Variants in LMBRD2 observed in about 807,000 individuals in gnomAD.
The protein encoded by LMBRD2 is G protein-coupled receptor-associated protein LMBRD2.
Under a neutral mutation model 94.4 loss-of-function variants are expected in LMBRD2, and 55 were observed. The observed-to-expected ratio is 0.58, with a 90% confidence interval of 0.47 to 0.73. The LOEUF is 0.73. LMBRD2 is among the 30% of genes least tolerant of loss of function. LMBRD2 has a pLI of 0.00. For missense variants in LMBRD2, 640 were observed against 831.9 expected (o/e 0.77, Z 2.84); for synonymous variants, 246 against 272.4 (o/e 0.90, Z 0.95).
Position 36,115,006 on chromosome 5 carries a change from C to A in LMBRD2, c.1542+9G>T, listed in dbSNP as rs772698978. On this transcript the variant is annotated intron_variant, in intron 12 of 17. Coordinates refer to ENST00000296603, the MANE Select transcript of LMBRD2 (RefSeq NM_001007527.2). ...AACCTAAGGAATTCTATTTTCTGAC[C>A]GTACTTACAGATGTATAAGCAGTTG... is the stretch of plus-strand genomic sequence containing the variant. The A allele has an allele frequency of 7.9e-6, 12 of 1,514,682 alleles. 1 individual carries two copies. The Admixed American group carries it at 1.0e-4, about 13-fold the overall frequency. The allele number at this position is 1,514,682 out of a possible 1,614,324, so 93.8% of individuals were successfully genotyped here.
At chr5:36,123,053 C>A in intron 7 of LMBRD2, 92 bp from the exon 8 acceptor site, 1 of 1,242,748 alleles carries the variant, frequency 8.0e-7, no homozygotes, top group South Asian at 1.9e-5. Flanking sequence ...TTGAGCAGTT[C>A]TAATTTTCTC....
chr5:36,145,815 T>C (rs12522542), intron 1 of LMBRD2, among the ~76,000 whole-genome samples: 45,892 of 152,158 alleles, frequency 0.3, 8,616 homozygotes, highest in Non-Finnish European at 0.42. Flanking sequence ...TGAAATATTA[T>C]TGTAGTATAA....
intron 6 of LMBRD2, among the ~76,000 whole-genome samples, chr5:36,128,076 C>A (rs189445140): frequency 6.6e-6 from 1 of 152,214 alleles, no homozygotes; most frequent in Non-Finnish European, 1.5e-5. Flanking sequence ...TCCAGTTGTC[C>A]GGGAGAAAGT....
rs1743587316 is a variant in LMBRD2, at chr5:36,110,826, T to C, written c.1744+329A>G. On this transcript the variant is annotated intron_variant, in intron 14 of 17. Transcript: ENST00000296603. ...TCAAACCGATGATTCTTTAAATTAATGAGTTTTATAGTTGTACAGAGCTTC... is the reference window on the plus strand; with the variant it reads ...TCAAACCGATGATTCTTTAAATTAACGAGTTTTATAGTTGTACAGAGCTTC... Among the ~76,000 whole-genome samples the C allele has an allele frequency of 2.0e-5, 3 of 152,202 alleles. No individual in the cohort carries two copies. The South Asian group carries it at 6.2e-4, about 31-fold the overall frequency.
At chr5:36,126,054 C>A (rs1253558929) in intron 6 of LMBRD2, among the ~76,000 whole-genome samples, 1 of 152,112 alleles carries the variant, frequency 6.6e-6, no homozygotes, top group Non-Finnish European at 1.5e-5. Flanking sequence ...AGAGCAAGAT[C>A]AAAGTGATCC....
chr5:36,115,387 G>A (rs1453250605), intron 11 of LMBRD2, among the ~76,000 whole-genome samples: 2 of 152,080 alleles, frequency 1.3e-5, no homozygotes, highest in Admixed American at 1.3e-4. Flanking sequence ...CACAAGTTGT[G>A]GAGTGCCTTT....
At chr5:36,139,517 G>A (rs1189757489) in intron 4 of LMBRD2, among the ~76,000 whole-genome samples, 1 of 152,214 alleles carries the variant, frequency 6.6e-6, no homozygotes, top group Non-Finnish European at 1.5e-5. Context: ...CAGGCCATCA[G>A]CTCTGTGGAC....
chr5:36,109,387 T>C (rs1242949508), intron 15 of LMBRD2, among the ~76,000 whole-genome samples: 2 of 152,126 alleles, frequency 1.3e-5, no homozygotes, highest in East Asian at 3.8e-4. Context: ...AAGATACACA[T>C]ATATGAAGAT....
At chr5:36,133,100 C>G (rs965143706) in intron 6 of LMBRD2, among the ~76,000 whole-genome samples, 4 of 151,934 alleles carry the variant, frequency 2.6e-5, no homozygotes, top group African/African-American at 9.7e-5. Context: ...GTCTGCACTC[C>G]CATGTTTATT....
At chr5:36,134,884 G>C (rs1579520984) in intron 6 of LMBRD2, among the ~76,000 whole-genome samples, 3 of 152,268 alleles carry the variant, frequency 2.0e-5, no homozygotes, top group East Asian at 3.9e-4. Context: ...ATTAGCTGAA[G>C]AGAGTGCTGA....
intron 2 of LMBRD2, 76 bp from the exon 3 acceptor site, chr5:36,142,675 AATCT>A (rs371963018): frequency 1.9e-5 from 16 of 822,858 alleles, no homozygotes; most frequent in African/African-American, 1.9e-4. Flanking sequence ...AGAGTTTATA[AATCT>A]ATCTATCTAA....
At chr5:36,134,069 T>C (rs571120103) in intron 6 of LMBRD2, among the ~76,000 whole-genome samples, 18 of 152,180 alleles carry the variant, frequency 1.2e-4, no homozygotes, top group South Asian at 1.0e-3. Flanking sequence ...AGTTTTCAAT[T>C]TTTTCAAAAA....
chr5:36,122,718 A>C (rs1743915640), intron 8 of LMBRD2, 130 bp downstream of exon 8: 2 of 1,219,796 alleles, frequency 1.6e-6, no homozygotes, highest in African/African-American at 3.2e-5. Flanking sequence ...AATATTTCAA[A>C]GAATGATAAG....
At chr5:36,107,661 C>T (rs1257968503) in intron 16 of LMBRD2, among the ~76,000 whole-genome samples, 8 of 152,192 alleles carry the variant, frequency 5.3e-5, no homozygotes, top group Admixed American at 5.2e-4. Context: ...CCTCAAGTGT[C>T]AGATGGTTTC....
At position 36,117,924 on chromosome 5, in the gene LMBRD2, A is replaced by T; in HGVS notation, c.1121-8T>A. The T allele has an allele frequency of 6.3e-7, 1 of 1,579,592 alleles. No individual in the cohort carries two copies. Among genetic ancestry groups the T allele is most frequent in the Non-Finnish European group, 8.6e-7 (1 of 1,167,032 alleles). ...GACATTCCCAGTACCATTCTAGAAGACAAAAGAAAAAAATGATTAGGAAAA... is the reference window on the plus strand; with the variant it reads ...GACATTCCCAGTACCATTCTAGAAGTCAAAAGAAAAAAATGATTAGGAAAA... On this transcript the variant is annotated splice_polypyrimidine_tract_variant and splice_region_variant and intron_variant, in intron 9 of 17. Transcript: ENST00000296603.
At position 36,109,942 on chromosome 5, in the gene LMBRD2, T is replaced by TA. The variant is rs2111846929; in HGVS notation, c.1791+2dup. ...AGATTACAGAAATTAATACTGTACT[T>TA]ACTCTTCTTCGATTTTCACCTTCTT... On this transcript the variant is annotated splice_region_variant and intron_variant, in intron 15 of 17. Coordinates refer to ENST00000296603, the MANE Select transcript of LMBRD2 (RefSeq NM_001007527.2). 1 of 1,597,246 alleles carries TA rather than the reference T, an allele frequency of 6.3e-7. No homozygotes were observed.
chr5:36,143,065 T>G, intron 2 of LMBRD2, 111 bp downstream of exon 2: 1 of 813,490 alleles, frequency 1.2e-6, no homozygotes, highest in South Asian at 1.9e-5. Context: ...CATATAATCT[T>G]TTAATTCAAA....
chr5:36,127,848 C>T (rs1463331378), intron 6 of LMBRD2, among the ~76,000 whole-genome samples: 1 of 152,216 alleles, frequency 6.6e-6, no homozygotes, highest in Non-Finnish European at 1.5e-5. Flanking sequence ...AAGGGAAGAA[C>T]AAAAGCTCGG....
intron 2 of LMBRD2, among the ~76,000 whole-genome samples, chr5:36,142,947 G>C (rs1744453119): frequency 6.6e-6 from 1 of 151,736 alleles, no homozygotes; most frequent in Admixed American, 6.6e-5. Flanking sequence ...GGATAGTCTC[G>C]ATCTCCTGAC....
Sources: allele counts gnomAD v4.1 joint callset (sites outside exome capture counted in the v4.1 genomes callset), GRCh38; gene constraint gnomAD v4.1.1; transcripts MANE v1.5; gene names NCBI Gene and HGNC (gene_info 2026-07-23, HGNC 2026-07-21).